The following SIK3 variants were observed in gnomAD, a reference collection of about 807,000 sequenced individuals.
SIK3 encodes the protein SIK family kinase 3, also known as serine/threonine-protein kinase SIK3.
SIK3 carries 28 observed loss-of-function variants against 144.2 expected under a neutral mutation model. That is an observed-to-expected ratio of 0.19 (90% CI 0.14 to 0.27). The LOEUF (loss-of-function observed/expected upper bound fraction) is 0.27, where lower values mean the gene tolerates loss of function less well. Among genes scored for constraint, SIK3 ranks in the 10% least tolerant of loss-of-function variants. The pLI is 1.00. For missense variants in SIK3, 1,319 were observed against 1,776.0 expected, an observed-to-expected ratio of 0.74 and a Z score of 4.62; for synonymous variants, 686 against 676.3, an observed-to-expected ratio of 1.01 and a Z score of -0.22.
At chr11:116,875,821 CT>C in intron 9 of SIK3, 44 bp downstream of exon 9, 1 of 1,559,876 alleles carries the variant, frequency 6.4e-7, no homozygotes, top group Non-Finnish European at 8.6e-7. Flanking sequence ...CTTTACCCCC[CT>C]GGTGTTACTT....
At chr11:117,044,045 CTGA>C (rs1003621496) in intron 1 of SIK3, among the ~76,000 whole-genome samples, 16 of 152,118 alleles carry the variant, frequency 1.1e-4, no homozygotes, top group African/African-American at 3.9e-4. Context: ...ATCGATGTTC[CTGA>C]TGATGATTTT....
intron 17 of SIK3, 108 bp from the exon 18 acceptor site, chr11:116,862,034 A>C: frequency 8.0e-7 from 1 of 1,251,756 alleles, no homozygotes; most frequent in Non-Finnish European, 1.1e-6. Flanking sequence ...TCTCAGATTT[A>C]TGCTTTTGTT....
chr11:117,046,774 G>C (rs1224554769), intron 1 of SIK3, among the ~76,000 whole-genome samples: 1 of 152,154 alleles, frequency 6.6e-6, no homozygotes, highest in Non-Finnish European at 1.5e-5. Flanking sequence ...CAGCTGCTCA[G>C]GAGGCTGAGG....
chr11:117,082,711 G>A (rs760565704), intron 1 of SIK3, among the ~76,000 whole-genome samples: 2 of 152,070 alleles, frequency 1.3e-5, no homozygotes, highest in Non-Finnish European at 2.9e-5. Flanking sequence ...AGTGATGGTC[G>A]CACAGCTCCA....
intron 1 of SIK3, among the ~76,000 whole-genome samples, chr11:117,041,654 C>G (rs1480867878): frequency 6.6e-6 from 1 of 152,038 alleles, no homozygotes; most frequent in Admixed American, 6.6e-5. Flanking sequence ...AAAGACTTTT[C>G]CAAGATCACA....
Position 117,036,039 on chromosome 11 carries a change from T to C in SIK3, c.273+62104A>G, listed in dbSNP as rs553568814. ...TCTGGAGAGGGATGAAGGAGACCCT[T>C]TGCAAGAGGCATGTTCTCGTGTGGG... On this transcript the variant is annotated intron_variant, in intron 1 of 24. Transcript: ENST00000445177. 2.1e-5 allele frequency: 28 copies of C among 1,331,516 alleles called. No individual in the cohort carries two copies. The South Asian group carries it at 2.2e-4, about 11-fold the overall frequency. 82.5% of individuals were successfully genotyped at this position (1,331,516 alleles called of 1,614,324 possible). A position where few individuals can be genotyped will look rare whatever the true frequency, so the allele number is the denominator to read the frequency against.
At chr11:117,048,817 G>A (rs1351018310) in intron 1 of SIK3, among the ~76,000 whole-genome samples, 1 of 151,608 alleles carries the variant, frequency 6.6e-6, no homozygotes, top group African/African-American at 2.4e-5. Flanking sequence ...AATACTTCAT[G>A]ACTAGCCAGG....
Position 116,843,677 on chromosome 11 carries a change from A to G in SIK3, c.*1966T>C, listed in dbSNP as rs1196540052. On this transcript the variant is annotated 3_prime_UTR_variant, in exon 25 of 25. Transcript: ENST00000445177. The stretch of plus-strand genomic sequence containing the variant: ...CTCTCCCATACATACAGTACCATGT[A>G]AACACATCAGGCTGAGCGCGTGGTG... 6.6e-6 allele frequency: 1 copy of G among 152,204 alleles called. No individual in the cohort carries two copies. Among genetic ancestry groups the G allele is most frequent in the Non-Finnish European group, 1.5e-5 (1 of 68,038 alleles). 9.4% of individuals were successfully genotyped at this position (152,204 alleles called of 1,614,324 possible).
chr11:117,000,095 A>C (rs1565542440), intron 1 of SIK3, among the ~76,000 whole-genome samples: 2 of 152,172 alleles, frequency 1.3e-5, no homozygotes, highest in African/African-American at 4.8e-5. Flanking sequence ...GATAGTTATA[A>C]TTTTTTTCAT....
At chr11:117,080,204 AC>A (rs1954725335) in intron 1 of SIK3, among the ~76,000 whole-genome samples, 1 of 152,194 alleles carries the variant, frequency 6.6e-6, no homozygotes, top group Non-Finnish European at 1.5e-5. Flanking sequence ...ACATTTTTTC[AC>A]CTGTCAGATT....
At chr11:116,863,853 A>G (rs1187355921) in intron 15 of SIK3, 35 bp from the exon 16 acceptor site, 2 of 1,545,066 alleles carry the variant, frequency 1.3e-6, no homozygotes, top group Admixed American at 4.0e-5. Flanking sequence ...AGAGGCTAGG[A>G]CTCAGGGGCT....
At chr11:117,043,445 G>C (rs191337848) in intron 1 of SIK3, among the ~76,000 whole-genome samples, 4 of 152,116 alleles carry the variant, frequency 2.6e-5, no homozygotes, top group African/African-American at 9.7e-5. Context: ...CTTAAGCAAA[G>C]TTTTAAAAAA....
At chr11:117,024,118 A>G (rs572189952) in intron 1 of SIK3, among the ~76,000 whole-genome samples, 1 of 151,988 alleles carries the variant, frequency 6.6e-6, no homozygotes, top group South Asian at 2.1e-4. Flanking sequence ...ATACCTCCCC[A>G]TCTCCCTTCC....
intron 4 of SIK3, among the ~76,000 whole-genome samples, chr11:116,903,997 T>C (rs1232580891): frequency 6.6e-6 from 1 of 152,226 alleles, no homozygotes; most frequent in Non-Finnish European, 1.5e-5. Context: ...ATTCACAATA[T>C]CTTTCATTAT....
chr11:116,870,168 T>TA (rs1565387245), intron 14 of SIK3, 163 bp downstream of exon 14: 1 of 1,537,840 alleles, frequency 6.5e-7, no homozygotes, highest in Non-Finnish European at 8.7e-7. Flanking sequence ...GGTAGTCTTC[T>TA]GTTACTTCCA....
intron 3 of SIK3, among the ~76,000 whole-genome samples, chr11:116,949,441 T>C (rs1442802018): frequency 6.6e-6 from 1 of 152,232 alleles, no homozygotes; most frequent in Non-Finnish European, 1.5e-5. Context: ...GGGGCACAAA[T>C]TGGTCTACAA....
chr11:116,952,360 C>G (rs1948973963), intron 3 of SIK3, among the ~76,000 whole-genome samples: 1 of 152,124 alleles, frequency 6.6e-6, no homozygotes, highest in African/African-American at 2.4e-5. Context: ...TAGGATTGCA[C>G]CACTGCATTC....
intron 6 of SIK3, among the ~76,000 whole-genome samples, chr11:116,877,566 A>G (rs1421335076): frequency 6.6e-6 from 1 of 152,210 alleles, no homozygotes; most frequent in Admixed American, 6.5e-5. Flanking sequence ...CTTCTCTCCT[A>G]TGCCCTGGGA....
At chr11:116,947,263 T>A (rs568992467) in intron 3 of SIK3, among the ~76,000 whole-genome samples, 809 of 52,686 alleles carry the variant, frequency 0.015, 10 homozygotes, top group African/African-American at 0.053. Context: ...ATTTATATAT[T>A]ATATATATAT....
Sources: allele counts gnomAD v4.1 joint callset (sites outside exome capture counted in the v4.1 genomes callset), GRCh38; gene constraint gnomAD v4.1.1; transcripts MANE v1.5; gene names NCBI Gene and HGNC (gene_info 2026-07-23, HGNC 2026-07-21).